DCAF11: variants seen among roughly 807,000 people sequenced by gnomAD.
DCAF11 encodes the protein DDB1 and CUL4 associated factor 11.
Under a neutral mutation model 76.1 loss-of-function variants are expected in DCAF11, and 44 were observed. That is an observed-to-expected ratio of 0.58 (90% confidence interval 0.45 to 0.74). DCAF11 has a LOEUF of 0.74. DCAF11 is among the 30% of genes least tolerant of loss of function. The probability of loss-of-function intolerance (pLI) is 0.00; values close to 1 mark genes in which losing one functional copy is unlikely to be tolerated. For synonymous variants in DCAF11, 258 were observed against 255.0 expected (o/e 1.01, Z -0.11); for missense variants, 604 against 709.4 (o/e 0.85, Z 1.69).
At chr14:24,120,344 C>A (rs1054548240) in intron 11 of DCAF11, among the ~76,000 whole-genome samples, 3 of 151,982 alleles carry the variant, frequency 2.0e-5, no homozygotes, top group Non-Finnish European at 4.4e-5. Context: ...ATCACGAGGT[C>A]AGGAGATCGA....
intron 11 of DCAF11, among the ~76,000 whole-genome samples, chr14:24,120,258 CAAAA>C (rs1218249379): frequency 6.9e-6 from 1 of 144,488 alleles, no homozygotes; most frequent in Non-Finnish European, 1.5e-5. Context: ...AAAAAAAAAA[CAAAA>C]AAAAAAAACT....
At chr14:24,119,058 G>A in intron 8 of DCAF11, 87 bp from the exon 9 acceptor site, 1 of 1,544,228 alleles carries the variant, frequency 6.5e-7, no homozygotes. Flanking sequence ...TTCCCCTGGG[G>A]ATGTGCCTTA....
Position 24,119,853 on chromosome 14 carries a change from C to T in DCAF11, c.1049C>T (p.Ala350Val), listed in dbSNP as rs1452331747. 1.9e-6 allele frequency: 3 copies of T among 1,614,022 alleles called. No individual in the cohort carries two copies. The highest frequency in any genetic ancestry group is 1.3e-5 in the African/African-American group (1 of 75,044). The change falls in exon 11 of 15, where the codon GCA becomes GTA. Residue 350 changes from alanine (A) to valine (V), a missense_variant. Ala to Val is a moderately conservative substitution (Grantham distance 64). Coordinates refer to ENST00000446197, the MANE Select transcript of DCAF11 (RefSeq NM_025230.5). ...MREDDPKPVG[A>V]LAGHQDGITF... Reference sequence around the variant, plus strand: ...GAGGATGACCCCAAGCCTGTGGGTGCACTGGCTGGACACCAGGATGGCATC... The same window carrying T: ...GAGGATGACCCCAAGCCTGTGGGTGTACTGGCTGGACACCAGGATGGCATC...
At chr14:24,122,555 A>C (rs1223595002) in intron 13 of DCAF11, among the ~76,000 whole-genome samples, 1 of 152,038 alleles carries the variant, frequency 6.6e-6, no homozygotes, top group Admixed American at 6.6e-5. Context: ...CAAGGAGCCT[A>C]AGGCAGTGCT....
intron 9 of DCAF11, 118 bp from the exon 10 acceptor site, chr14:24,119,440 TA>T: frequency 2.2e-6 from 3 of 1,359,206 alleles, no homozygotes; most frequent in Non-Finnish European, 2.1e-6. Context: ...ACTTCCTGTA[TA>T]AAAAGAGCAA....
chr14:24,117,782 C>T lies in DCAF11; in HGVS notation c.476+50C>T, dbSNP rs2037610803. 6.3e-7 allele frequency: 1 copy of T among 1,580,100 alleles called. No individual in the cohort carries two copies. Among genetic ancestry groups the T allele is most frequent in the Non-Finnish European group, 8.7e-7 (1 of 1,153,710 alleles). On this transcript the variant is annotated intron_variant, in intron 5 of 14. Coordinates refer to ENST00000446197, the MANE Select transcript of DCAF11 (RefSeq NM_025230.5). This position sits in a 1 kb window ranked among gnomAD's most constrained non-coding sequence, Gnocchi z 4.3. ...ACTCTAAGGGCCAGATAGGTCTTAT[C>T]TCCTAAACTTTGAAGGGGTAGGTGT... is the stretch of plus-strand genomic sequence containing the variant.
At position 24,123,657 on chromosome 14, in the gene DCAF11, T is replaced by C. The variant is rs1369388085; in HGVS notation, c.*348T>C. ...CCTAGAGTAGATGCCTGAGGCCACA[T>C]CTGAACAGACCTGTCAGCCAGGCCT... On this transcript the variant is annotated 3_prime_UTR_variant, in exon 15 of 15. Coordinates refer to ENST00000446197, the MANE Select transcript of DCAF11 (RefSeq NM_025230.5). 1 of 214,852 alleles carries C rather than the reference T, an allele frequency of 4.7e-6. No individual in the cohort carries two copies. Among genetic ancestry groups the C allele is most frequent in the Non-Finnish European group, 9.2e-6 (1 of 108,438 alleles). The allele number at this position is 214,852 out of a possible 1,614,324, so 13.3% of individuals were successfully genotyped here.
Position 24,115,420 on chromosome 14 carries a change from G to T in DCAF11, c.-175G>T. 2 of 834,378 alleles carry T rather than the reference G, an allele frequency of 2.4e-6. No individual in the cohort carries two copies. The highest frequency in any genetic ancestry group is 3.5e-6 in the Non-Finnish European group (2 of 570,058). The allele number at this position is 834,378 out of a possible 1,614,324, so 51.7% of individuals were successfully genotyped here. A position where few individuals can be genotyped will look rare whatever the true frequency, so the allele number is the denominator to read the frequency against. Reference sequence around the variant, plus strand: ...TTGTGTTCCCGACGCCTTGGTAGTTGGCATAGGCTAAAGAAAAGGGATCTC... The same window carrying T: ...TTGTGTTCCCGACGCCTTGGTAGTTTGCATAGGCTAAAGAAAAGGGATCTC... On this transcript the variant is annotated 5_prime_UTR_variant, in exon 2 of 15. Transcript: ENST00000446197.
At chr14:24,121,636 ACTTAG>A (rs1316025410) in intron 13 of DCAF11, 119 bp downstream of exon 13, 2 of 1,178,794 alleles carry the variant, frequency 1.7e-6, no homozygotes, top group African/African-American at 3.1e-5. Context: ...GTAAAATCAA[ACTTAG>A]CTTGGAGGCT....
chr14:24,116,783 A>T, intron 2 of DCAF11, 134 bp from the exon 3 acceptor site: 1 of 1,288,042 alleles, frequency 7.8e-7, no homozygotes, highest in East Asian at 2.3e-5. Flanking sequence ...GACCAAAAAT[A>T]ACAGCCAAGG....
chr14:24,115,763 T>C lies in DCAF11; in HGVS notation c.155+14T>C. The C allele has an allele frequency of 1.9e-6, 3 of 1,608,976 alleles. No individual in the cohort carries two copies. Among genetic ancestry groups the C allele is most frequent in the Non-Finnish European group, 2.5e-6 (3 of 1,177,248 alleles). On this transcript the variant is annotated intron_variant, in intron 2 of 14. Transcript: ENST00000446197. The stretch of plus-strand genomic sequence containing the variant: ...TCTCCTCCGCAGGTAACTTACCCTC[T>C]GGTGTGACCCCCAGCAGGTGCTACC...
At position 24,120,837 on chromosome 14, in the gene DCAF11, G is replaced by A; in HGVS notation, c.1093-1G>A. ...TTCACTATCCACCTTTGGATTCATA[G>A]GGTGATGCCCGGTATCTGATCTCCA... On this transcript the variant is annotated splice_acceptor_variant, in intron 11 of 14. Transcript: ENST00000446197. LOFTEE classifies it high-confidence loss of function. 1 of 1,614,144 alleles carries A rather than the reference G, an allele frequency of 6.2e-7. No individual in the cohort carries two copies. Among genetic ancestry groups the A allele is most frequent in the Non-Finnish European group, 8.5e-7 (1 of 1,180,004 alleles).
In DCAF11 at chr14:24,115,424, T is replaced by C; in HGVS notation, c.-171T>C. 1.1e-6 allele frequency: 1 copy of C among 894,764 alleles called. No individual in the cohort carries two copies. The highest frequency in any genetic ancestry group is 1.6e-6 in the Non-Finnish European group (1 of 620,580). 55.4% of individuals were successfully genotyped at this position (894,764 alleles called of 1,614,324 possible). On this transcript the variant is annotated 5_prime_UTR_variant, in exon 2 of 15. Transcript: ENST00000446197. ...GTTCCCGACGCCTTGGTAGTTGGCA[T>C]AGGCTAAAGAAAAGGGATCTCAGCC...
chr14:24,124,873 C>T lies in DCAF11; in HGVS notation c.*1564C>T, dbSNP rs2037752607. ...CCTGGCCAACATGGTGGAACCCAATCTCTACTAAAAATACAAAAAAACTAG... is the reference window on the plus strand; with the variant it reads ...CCTGGCCAACATGGTGGAACCCAATTTCTACTAAAAATACAAAAAAACTAG... On this transcript the variant is annotated 3_prime_UTR_variant, in exon 15 of 15. Coordinates refer to ENST00000446197, the MANE Select transcript of DCAF11 (RefSeq NM_025230.5). 1 of 152,224 alleles carries T rather than the reference C, an allele frequency of 6.6e-6. No individual in the cohort carries two copies. Among genetic ancestry groups the T allele is most frequent in the South Asian group, 2.1e-4 (1 of 4,826 alleles). The allele number at this position is 152,224 out of a possible 1,614,324, so 9.4% of individuals were successfully genotyped here.
chr14:24,120,224 C>T (rs1010380693), intron 11 of DCAF11, among the ~76,000 whole-genome samples: 9 of 151,046 alleles, frequency 6.0e-5, no homozygotes, highest in African/African-American at 1.5e-4. Flanking sequence ...TGAAACCTAG[C>T]GAGACCTCAT....
chr14:24,118,492 C>A lies in DCAF11; in HGVS notation c.682C>A (p.Pro228Thr). The A allele has an allele frequency of 6.2e-7, 1 of 1,614,186 alleles. No homozygotes were observed. Among genetic ancestry groups the A allele is most frequent in the Non-Finnish European group, 8.5e-7 (1 of 1,180,034 alleles). Residue 228 changes from proline to threonine, a missense_variant, in exon 7 of 15, where the codon CCT becomes ACT. Coordinates refer to ENST00000446197, the MANE Select transcript of DCAF11 (RefSeq NM_025230.5). ...GAGCGTCTTGGATGTGGCCTTCACCCCTGATGGGAACCACTTCCTCTACTC... is the reference window on the plus strand; with the variant it reads ...GAGCGTCTTGGATGTGGCCTTCACCACTGATGGGAACCACTTCCTCTACTC... ...GWSVLDVAFT[P>T]DGNHFLYSSW...
In DCAF11 at chr14:24,115,105, G is replaced by A. The variant is rs1352302705; in HGVS notation, c.-402G>A. ...CTGCTGCCGGCCTTTGTAAGGGGGC[G>A]CTCTGATTGGTCGATAAGGTGGGGG... On this transcript the variant is annotated 5_prime_UTR_variant, in exon 1 of 15. Coordinates refer to ENST00000446197, the MANE Select transcript of DCAF11 (RefSeq NM_025230.5). 6.3e-6 allele frequency: 5 copies of A among 790,280 alleles called. No individual in the cohort carries two copies. Among genetic ancestry groups the A allele is most frequent in the Admixed American group, 6.2e-5 (1 of 16,026 alleles). The allele number at this position is 790,280 out of a possible 1,614,324, so 49.0% of individuals were successfully genotyped here.
Position 24,119,797 on chromosome 14 carries a change from C to T in DCAF11, c.993C>T (p.Ile331=). 11 of 1,614,230 alleles carry T rather than the reference C, an allele frequency of 6.8e-6. No homozygotes were observed. Among genetic ancestry groups the T allele is most frequent in the Non-Finnish European group, 9.3e-6 (11 of 1,180,034 alleles). Residue 331 remains isoleucine (I), a synonymous_variant, in exon 11 of 15, where the codon ATC becomes ATT. Transcript: ENST00000446197. The part of the protein sequence containing the change: ...QILFSGGDDA[I]CKVWDRRTMR... ...TGTTCTCTGGGGGAGATGATGCCAT[C>T]TGCAAAGTGTGGGATCGACGCACCA...
chr14:24,118,645 A>G, intron 7 of DCAF11, 105 bp from the exon 8 acceptor site: 1 of 1,594,786 alleles, frequency 6.3e-7, no homozygotes, highest in East Asian at 2.2e-5. Context: ...AATCACTCCC[A>G]AAGTGCTCCA....
Sources: gnomAD v4.1 joint callset for allele counts (sites outside exome capture counted in the v4.1 genomes callset) on GRCh38, gnomAD v4.1.1 for gene constraint, Gnocchi (gnomAD v3.1) non-coding constraint, MANE v1.5 for transcripts, NCBI Gene and HGNC (gene_info 2026-07-23, HGNC 2026-07-21) for gene names.